LRRC9: variants seen among roughly 807,000 people sequenced by gnomAD.
The protein encoded by LRRC9 is leucine-rich repeat-containing protein 9.
In LRRC9, 122 loss-of-function variants were observed where a neutral mutation model predicts 63.2. The observed-to-expected ratio is 1.93, with a 90% CI of 1.67 to 2.24. LRRC9 has a LOEUF of 2.24. LRRC9 is among the 30% of genes most tolerant of loss of function. The pLI is 0.00. For missense variants in LRRC9, 1,071 were observed against 627.7 expected (o/e 1.71, Z -7.55); for synonymous variants, 366 against 213.1 (o/e 1.72, Z -6.25).
chr14:59,998,256 C>T (rs1889004885), intron 18 of LRRC9, among the ~76,000 whole-genome samples: 1 of 151,944 alleles, frequency 6.6e-6, no homozygotes, highest in Non-Finnish European at 1.5e-5. Flanking sequence ...TATAATATAT[C>T]CTAATCTGTG....
chr14:59,975,102 CATATATATATGTAT>C lies in LRRC9; in HGVS notation c.1639+418_1639+431del, dbSNP rs1467546311. On this transcript the variant is annotated intron_variant, in intron 13 of 31. Coordinates refer to ENST00000445360, the Ensembl canonical transcript of LRRC9. ...TGTGTGTGTAGTGTATATATATATA[CATATATATATGTAT>C]ATATATATATGTATATATATATACA... Among the ~76,000 whole-genome samples the C allele has an allele frequency of 9.3e-4, 9 of 9,650 alleles. 1 individual carries two copies. Among genetic ancestry groups the C allele is most frequent in the East Asian group, 5.1e-3 (3 of 592 alleles). The allele number at this position is 9,650 out of a possible 152,430, so 6.3% of individuals were successfully genotyped here. A position where few individuals can be genotyped will look rare whatever the true frequency, so the allele number is the denominator to read the frequency against.
chr14:59,980,743 G>GA (rs1886839579), intron 15 of LRRC9, among the ~76,000 whole-genome samples: 1 of 152,100 alleles, frequency 6.6e-6, no homozygotes. Flanking sequence ...TAATGAATGG[G>GA]ATTATATTAG....
In LRRC9 at chr14:59,960,064, A is replaced by C. The variant is rs1181478986; in HGVS notation, c.1079+50A>C. The C allele has an allele frequency of 1.2e-5, 7 of 586,762 alleles. No individual in the cohort carries two copies. The South Asian group carries it at 1.5e-4, about 13-fold the overall frequency. 36.3% of individuals were successfully genotyped at this position (586,762 alleles called of 1,614,324 possible). A position where few individuals can be genotyped will look rare whatever the true frequency, so the allele number is the denominator to read the frequency against. On this transcript the variant is annotated intron_variant, in intron 9 of 31. Coordinates refer to ENST00000445360, the Ensembl canonical transcript of LRRC9. ...GTTCTGATCTGAAATGGAGAGAATCAGAATGTTTTGGGCCATCAGTTGACC... is the reference window on the plus strand; with the variant it reads ...GTTCTGATCTGAAATGGAGAGAATCCGAATGTTTTGGGCCATCAGTTGACC...
chr14:60,037,100 C>T (rs967583372), intron 29 of LRRC9, among the ~76,000 whole-genome samples: 2 of 152,074 alleles, frequency 1.3e-5, no homozygotes, highest in Non-Finnish European at 2.9e-5. Flanking sequence ...TGAACTCATC[C>T]TTTTTTATGG....
At chr14:60,028,916 A>T (rs1891767347) in intron 28 of LRRC9, among the ~76,000 whole-genome samples, 1 of 152,166 alleles carries the variant, frequency 6.6e-6, no homozygotes, top group Non-Finnish European at 1.5e-5. Context: ...TTTGCTATAG[A>T]GTTCAGGAAG....
intron 29 of LRRC9, among the ~76,000 whole-genome samples, chr14:60,039,578 T>C (rs1892758946): frequency 6.6e-6 from 1 of 152,220 alleles, no homozygotes; most frequent in Non-Finnish European, 1.5e-5. Flanking sequence ...TCTCTGACAG[T>C]AGTTTGTATT....
At chr14:59,981,119 T>C (rs935060892) in intron 15 of LRRC9, among the ~76,000 whole-genome samples, 27 of 152,182 alleles carry the variant, frequency 1.8e-4, no homozygotes, top group African/African-American at 5.3e-4. Flanking sequence ...TATTTTTAAA[T>C]TATTTGTTTT....
chr14:59,970,543 C>CAATTTATACACTGA (rs1286251899), intron 12 of LRRC9, among the ~76,000 whole-genome samples: 1 of 152,154 alleles, frequency 6.6e-6, no homozygotes, highest in Non-Finnish European at 1.5e-5. Context: ...TTTACACTTC[C>CAATTTATACACTGA]ATCAACAGTG....
chr14:59,957,490 G>A (rs1883891020), intron 8 of LRRC9, among the ~76,000 whole-genome samples: 1 of 152,014 alleles, frequency 6.6e-6, no homozygotes, highest in Admixed American at 6.6e-5. Context: ...GGTCATTTAT[G>A]TTCTTCTCTA....
At chr14:60,013,209 G>A (rs1890399056) in intron 23 of LRRC9, among the ~76,000 whole-genome samples, 1 of 148,852 alleles carries the variant, frequency 6.7e-6, no homozygotes, top group South Asian at 2.1e-4. Context: ...TACATATAGA[G>A]ATATCTATGT....
At chr14:60,043,988 A>G (rs1893194640) in intron 29 of LRRC9, among the ~76,000 whole-genome samples, 1 of 151,138 alleles carries the variant, frequency 6.6e-6, no homozygotes, top group South Asian at 2.1e-4. Flanking sequence ...ATTACTTGTT[A>G]TTGGGTTTGT....
chr14:60,016,240 C>CT (rs1282652484), intron 23 of LRRC9, among the ~76,000 whole-genome samples: 1 of 152,150 alleles, frequency 6.6e-6, no homozygotes. Context: ...GGATCTCACT[C>CT]TGTCACCCAG....
rs1280249943 is a variant in LRRC9, at chr14:59,919,956, AG to A, written c.-34+75del. On this transcript the variant is annotated intron_variant, in intron 1 of 31. Transcript: ENST00000445360. The surrounding 1 kb of genome is among the most constrained non-coding windows in gnomAD (Gnocchi z 4.5). ...GCTCCCGCCGTTTCCCAGGAGCCCC[AG>A]GTGGGGTCTTCCGGTTGGACCCCTG... 1 of 152,244 alleles carries A rather than the reference AG, an allele frequency of 6.6e-6. No homozygotes were observed. The highest frequency in any genetic ancestry group is 1.5e-5 in the Non-Finnish European group (1 of 68,062). The allele number at this position is 152,244 out of a possible 1,614,324, so 9.4% of individuals were successfully genotyped here.
intron 26 of LRRC9, among the ~76,000 whole-genome samples, chr14:60,020,757 A>G (rs1307614691): frequency 6.6e-6 from 1 of 151,928 alleles, no homozygotes; most frequent in Non-Finnish European, 1.5e-5. Context: ...TACACTCAGC[A>G]TGATGTTTTC....
At chr14:59,976,614 T>A (rs1429428042) in intron 13 of LRRC9, among the ~76,000 whole-genome samples, 1 of 152,250 alleles carries the variant, frequency 6.6e-6, no homozygotes, top group Non-Finnish European at 1.5e-5. Context: ...AAGAAATGCC[T>A]CACGATGTTC....
intron 16 of LRRC9, among the ~76,000 whole-genome samples, chr14:59,984,339 G>A (rs1887236039): frequency 6.6e-6 from 1 of 152,198 alleles, no homozygotes; most frequent in Non-Finnish European, 1.5e-5. Flanking sequence ...GATGGTGGTG[G>A]TGAATGAAGA....
At position 59,936,272 on chromosome 14, in the gene LRRC9, T is replaced by A. The variant is rs910954705; in HGVS notation, c.544-2118T>A. On this transcript the variant is annotated intron_variant, in intron 6 of 31. Coordinates refer to ENST00000445360, the Ensembl canonical transcript of LRRC9. This position sits in a 1 kb window ranked among gnomAD's most constrained non-coding sequence, Gnocchi z 4.2. ...ACATAATATTTAAAAAGGCTTTTTA[T>A]GGCATTATGACTATCATAAAAACAT... Among the ~76,000 whole-genome samples the A allele has an allele frequency of 6.6e-6, 1 of 152,222 alleles. No homozygotes were observed. The highest frequency in any genetic ancestry group is 1.5e-5 in the Non-Finnish European group (1 of 68,038).
exon 19 of LRRC9, chr14:59,999,117 T>C: frequency 1.4e-6 from 1 of 693,196 alleles, no homozygotes; most frequent in Non-Finnish European, 2.6e-6. Flanking sequence ...ACATTGAGGC[T>C]GAGTGTTATT....
chr14:60,046,655 G>A (rs972312223), intron 29 of LRRC9, among the ~76,000 whole-genome samples: 23 of 152,084 alleles, frequency 1.5e-4, no homozygotes, highest in East Asian at 5.8e-4. Context: ...TACCACTACC[G>A]TGCTGTTTAG....
Sources: allele counts gnomAD v4.1 joint callset (sites outside exome capture counted in the v4.1 genomes callset), GRCh38; gene constraint gnomAD v4.1.1; non-coding constraint Gnocchi (gnomAD v3.1); transcripts MANE v1.5; gene names NCBI Gene and HGNC (gene_info 2026-07-23, HGNC 2026-07-21).